The following CTBP2 variants were observed in gnomAD, a reference collection of about 807,000 sequenced individuals.
CTBP2 encodes C-terminal binding protein 2, also known as C-terminal-binding protein 2.
Under a neutral mutation model 80.3 loss-of-function variants are expected in CTBP2, and 30 were observed. The ratio of observed to expected loss-of-function variants is 0.37; its 90% CI spans 0.28 to 0.51. The LOEUF (loss-of-function observed/expected upper bound fraction) is 0.51, where lower values mean the gene tolerates loss of function less well. CTBP2 is among the 20% of genes least tolerant of loss of function. The pLI, the probability that CTBP2 is intolerant of heterozygous loss-of-function variation, is 0.93. For missense variants in CTBP2, 1,212 were observed against 1,375.3 expected (o/e 0.88, Z 1.88); for synonymous variants, 594 against 587.4 (o/e 1.01, Z -0.16).
chr10:125,038,980 G>A lies in CTBP2; in HGVS notation c.58+17C>T, dbSNP rs549282516. The A allele has an allele frequency of 5.3e-5, 86 of 1,611,678 alleles. No homozygotes were observed. The highest frequency in any genetic ancestry group is 1.2e-4 in the Admixed American group (7 of 59,480). On this transcript the variant is annotated intron_variant, in intron 3 of 10. Coordinates refer to the CTBP2 transcript ENST00000337195. ...GGACTACGTATGTTTGGTAAAAACC[G>A]CCAAACACGCTCTTACCTTCACAAA...
chr10:125,065,261 C>T (rs1170442935), intron 2 of CTBP2, among the ~76,000 whole-genome samples: 1 of 152,176 alleles, frequency 6.6e-6, no homozygotes, highest in Non-Finnish European at 1.5e-5. Flanking sequence ...GCAACTGGGG[C>T]ACTCTGCTTG....
intron 1 of CTBP2, among the ~76,000 whole-genome samples, chr10:125,154,889 A>T (rs746763269): frequency 2.2e-4 from 33 of 152,308 alleles, no homozygotes; most frequent in Non-Finnish European, 2.5e-4. Context: ...CATCCAGCAA[A>T]AACTTATTTT....
At chr10:125,130,501 G>A (rs1855990527) in intron 1 of CTBP2, among the ~76,000 whole-genome samples, 1 of 152,192 alleles carries the variant, frequency 6.6e-6, no homozygotes, top group Non-Finnish European at 1.5e-5. Flanking sequence ...GCTGTTAAAT[G>A]CTGTGTCCTA....
intron 2 of CTBP2, among the ~76,000 whole-genome samples, chr10:125,079,237 G>A (rs368127128): frequency 1.3e-5 from 2 of 151,386 alleles, no homozygotes; most frequent in African/African-American, 4.9e-5. Flanking sequence ...GATATCACCC[G>A]GCTCCACCAT....
chr10:125,045,672 G>A (rs905038786), intron 2 of CTBP2, among the ~76,000 whole-genome samples: 12 of 151,994 alleles, frequency 7.9e-5, no homozygotes, highest in African/African-American at 2.7e-4. Context: ...TGTATTTTTA[G>A]TAGACACAGG....
At chr10:125,021,633 G>A (rs1296836311) in intron 1 of CTBP2, among the ~76,000 whole-genome samples, 9 of 152,180 alleles carry the variant, frequency 5.9e-5, no homozygotes, top group Non-Finnish European at 4.4e-5. Context: ...AAGGCGGAGG[G>A]TGATCTGGCG....
At chr10:125,033,050 C>T (rs112983737), upstream of CTBP2, among the ~76,000 whole-genome samples, 735 of 152,354 alleles carry the variant, frequency 4.8e-3, 8 homozygotes, top group African/African-American at 0.017. Flanking sequence ...AACTGACTCT[C>T]AGCCTCACTC....
At chr10:125,009,525 G>A (rs867556569) in intron 1 of CTBP2, among the ~76,000 whole-genome samples, 2 of 152,110 alleles carry the variant, frequency 1.3e-5, no homozygotes, top group East Asian at 1.9e-4. Flanking sequence ...TCTTAAATGC[G>A]GCCTGCTCCC....
At chr10:125,044,121 A>G (rs1960612999) in intron 2 of CTBP2, among the ~76,000 whole-genome samples, 1 of 152,210 alleles carries the variant, frequency 6.6e-6, no homozygotes, top group Admixed American at 6.5e-5. Flanking sequence ...TGGCCGCATC[A>G]ATGCACAAGG....
Position 124,994,465 on chromosome 10 carries a change from T to C in CTBP2, c.2400+4A>G. On this transcript the variant is annotated splice_donor_region_variant and intron_variant, in intron 5 of 8. Transcript: ENST00000309035. ...AGCTTCCATGGCATCTATTTTCAAATTACCTGCTTTATGGTAAAGTCATTG... is the reference window on the plus strand; with the variant it reads ...AGCTTCCATGGCATCTATTTTCAAACTACCTGCTTTATGGTAAAGTCATTG... 6.2e-7 allele frequency: 1 copy of C among 1,613,638 alleles called. No homozygotes were observed. The highest frequency in any genetic ancestry group is 8.5e-7 in the Non-Finnish European group (1 of 1,179,548).
chr10:125,044,026 T>C (rs1339819013), intron 2 of CTBP2, among the ~76,000 whole-genome samples: 1 of 152,226 alleles, frequency 6.6e-6, no homozygotes, highest in African/African-American at 2.4e-5. Flanking sequence ...CAGATCTCAC[T>C]GTTAAGCATG....
chr10:125,041,482 A>G (rs932699162), intron 2 of CTBP2, among the ~76,000 whole-genome samples: 1 of 142,278 alleles, frequency 7.0e-6, no homozygotes, highest in African/African-American at 2.5e-5. Context: ...AAACCTATTG[A>G]TCTGAGCTTT....
At chr10:124,997,510 A>C in intron 4 of CTBP2, 1 of 170,678 alleles carries the variant, frequency 5.9e-6, no homozygotes, top group Non-Finnish European at 1.3e-5. Context: ...TGACTGTGCC[A>C]CCCCAACCTG....
chr10:125,125,995 T>G (rs924094669), intron 1 of CTBP2, among the ~76,000 whole-genome samples: 1 of 152,204 alleles, frequency 6.6e-6, no homozygotes, highest in Non-Finnish European at 1.5e-5. Context: ...ATGACATGCC[T>G]AACCCAGTCT....
chr10:125,157,754 T>A (rs1167941390), intron 1 of CTBP2, among the ~76,000 whole-genome samples: 1 of 152,164 alleles, frequency 6.6e-6, no homozygotes, highest in Admixed American at 6.5e-5. Flanking sequence ...ATTAAACTGG[T>A]TTCATTAAAG....
chr10:125,012,686 C>T (rs1956064538), intron 1 of CTBP2, among the ~76,000 whole-genome samples: 1 of 152,184 alleles, frequency 6.6e-6, no homozygotes, highest in Non-Finnish European at 1.5e-5. Flanking sequence ...GTTGTCCAGG[C>T]TGGAGTGCAG....
intron 1 of CTBP2, among the ~76,000 whole-genome samples, chr10:125,158,160 T>TAA (rs201541277): frequency 2.0e-5 from 3 of 150,008 alleles, no homozygotes; most frequent in African/African-American, 7.3e-5. Flanking sequence ...GATTTATATT[T>TAA]AAAAAAAAAG....
chr10:125,005,757 T>G (rs200933123), intron 1 of CTBP2: 4 of 1,612,816 alleles, frequency 2.5e-6, no homozygotes, highest in Non-Finnish European at 3.4e-6. Context: ...TTCTGGCCCC[T>G]ACTTGAGGTC....
chr10:125,018,737 C>A (rs550925083), intron 1 of CTBP2, among the ~76,000 whole-genome samples: 1 of 152,230 alleles, frequency 6.6e-6, no homozygotes, highest in African/African-American at 2.4e-5. Context: ...ACCAGCCCTG[C>A]GGAGGCACCG....
Sources: allele counts gnomAD v4.1 joint callset (sites outside exome capture counted in the v4.1 genomes callset), GRCh38; gene constraint gnomAD v4.1.1; transcripts MANE v1.5; gene names NCBI Gene and HGNC (gene_info 2026-07-23, HGNC 2026-07-21).